IL17RC: variants seen among roughly 807,000 people sequenced by gnomAD.
The protein encoded by IL17RC is interleukin 17 receptor C, also known as interleukin-17 receptor C.
A neutral mutation model predicts 86.7 loss-of-function variants in IL17RC; 53 were observed. The observed-to-expected ratio is 0.61, with a 90% CI of 0.49 to 0.77. IL17RC has a LOEUF of 0.77. IL17RC is among the 30% of genes least tolerant of loss of function. IL17RC has a pLI of 0.00. For missense variants in IL17RC, 957 were observed against 940.0 expected, an observed-to-expected ratio of 1.02 and a Z score of -0.24; for synonymous variants, 439 against 413.1, an observed-to-expected ratio of 1.06 and a Z score of -0.76.
At position 9,933,098 on chromosome 3, in the gene IL17RC, G is replaced by A. The variant is rs780947824; in HGVS notation, c.1668G>A (p.Ala556=). Residue 556 remains alanine (A), a synonymous_variant, in exon 19 of 19, where the codon GCG becomes GCA. Coordinates refer to ENST00000403601, the MANE Select transcript of IL17RC (RefSeq NM_153460.4). ...TGTGGAGCCGTCGTGAACTGAGCGC[G>A]CAGGGGCCCGTGGCTTGGTTTCACG... ...VDLWSRRELS[A]QGPVAWFHAQ... is the part of the protein sequence containing the mutation. 69 of 1,571,606 alleles carry A rather than the reference G, an allele frequency of 4.4e-5. No homozygotes were observed. Among genetic ancestry groups the A allele is most frequent in the Non-Finnish European group, 3.1e-5 (36 of 1,165,150 alleles).
At chr3:9,922,500 T>C (rs910921027) in intron 7 of IL17RC, among the ~76,000 whole-genome samples, 1 of 152,210 alleles carries the variant, frequency 6.6e-6, no homozygotes, top group Non-Finnish European at 1.5e-5. Context: ...TAAGTAGACA[T>C]TGATTCATTT....
At chr3:9,931,462 CACACACACATATATAT>C (rs2084652419) in intron 16 of IL17RC, among the ~76,000 whole-genome samples, 2 of 130,466 alleles carry the variant, frequency 1.5e-5, no homozygotes, top group East Asian at 4.1e-4. Flanking sequence ...TTCACACACA[CACACACACATATATAT>C]ATATATATAT....
Position 9,917,420 on chromosome 3 carries a change from G to A in IL17RC, c.105G>A (p.Pro35=), listed in dbSNP as rs750455361. 157 of 1,614,064 alleles carry A rather than the reference G, an allele frequency of 9.7e-5. 1 individual carries two copies. The highest frequency in any genetic ancestry group is 1.1e-4 in the Non-Finnish European group (129 of 1,180,028). The part of the protein sequence containing the change: ...VGPQDATHCS[P]GLSCRLWDSD... Reference sequence around the variant, plus strand: ...CTCAGGACGCTACCCACTGCTCTCCGGTGAGTCTGGAACCCTGGGGAGACG... The same window carrying A: ...CTCAGGACGCTACCCACTGCTCTCCAGTGAGTCTGGAACCCTGGGGAGACG... Residue 35 remains proline (P), a splice_region_variant and synonymous_variant, in exon 1 of 19, where the codon CCG becomes CCA. Transcript: ENST00000403601.
At chr3:9,929,436 T>G in intron 12 of IL17RC, 1 of 210,370 alleles carries the variant, frequency 4.8e-6, no homozygotes, top group East Asian at 1.2e-4. Context: ...AGAACTTATA[T>G]TGTAATGGAG....
chr3:9,917,672 G>A, intron 1 of IL17RC, 41 bp from the exon 2 acceptor site: 2 of 1,613,894 alleles, frequency 1.2e-6, no homozygotes, highest in East Asian at 2.2e-5. Flanking sequence ...TGCCTAGATG[G>A]TGGGGGCACA....
At chr3:9,919,936 A>G (rs866941111) in intron 5 of IL17RC, among the ~76,000 whole-genome samples, 1 of 152,096 alleles carries the variant, frequency 6.6e-6, no homozygotes, top group Middle Eastern at 3.4e-3. Context: ...TGTAAGTACC[A>G]TGGTGCAGGG....
At chr3:9,931,502 TAC>T (rs2084690676) in intron 16 of IL17RC, among the ~76,000 whole-genome samples, 1 of 145,134 alleles carries the variant, frequency 6.9e-6, no homozygotes, top group Non-Finnish European at 1.5e-5. Flanking sequence ...TATATATATA[TAC>T]TTATTTTTTT....
intron 7 of IL17RC, among the ~76,000 whole-genome samples, chr3:9,923,098 C>A (rs2083719521): frequency 6.6e-6 from 1 of 150,472 alleles, no homozygotes; most frequent in Non-Finnish European, 1.5e-5. Flanking sequence ...ATGGCTTGAA[C>A]CCCAGGAGGC....
At chr3:9,923,479 G>A (rs551493432) in intron 7 of IL17RC, among the ~76,000 whole-genome samples, 38 of 152,000 alleles carry the variant, frequency 2.5e-4, no homozygotes, top group African/African-American at 8.4e-4. Flanking sequence ...CTTGAACCCA[G>A]GAGGTGGAGG....
At position 9,930,334 on chromosome 3, in the gene IL17RC, C is replaced by A; in HGVS notation, c.1279-66C>A. The A allele has an allele frequency of 6.3e-7, 1 of 1,585,506 alleles. No homozygotes were observed. The highest frequency in any genetic ancestry group is 1.1e-5 in the South Asian group (1 of 90,190). ...TCTACCTCATTCTACCCAGCTGTAGCCTGGTAGGTGCTGCCCTAAGGGTGC... is the reference window on the plus strand; with the variant it reads ...TCTACCTCATTCTACCCAGCTGTAGACTGGTAGGTGCTGCCCTAAGGGTGC... On this transcript the variant is annotated intron_variant, in intron 14 of 18. Transcript: ENST00000403601. The surrounding 1 kb of genome is among the most constrained non-coding windows in gnomAD (Gnocchi z 5.8).
intron 16 of IL17RC, 65 bp from the exon 17 acceptor site, chr3:9,932,543 T>G: frequency 7.0e-7 from 1 of 1,427,420 alleles, no homozygotes; most frequent in Non-Finnish European, 9.9e-7. Context: ...TTCATTTCTG[T>G]TAAGTCTCAG....
chr3:9,931,558 G>A (rs570497357), intron 16 of IL17RC, among the ~76,000 whole-genome samples: 1 of 150,734 alleles, frequency 6.6e-6, no homozygotes, highest in South Asian at 2.1e-4. Flanking sequence ...CCAGGCTGGA[G>A]TGCAATGGCG....
Position 9,929,864 on chromosome 3 carries a change from G to A in IL17RC, c.1123G>A (p.Glu375Lys). 6.2e-7 allele frequency: 1 copy of A among 1,614,180 alleles called. No individual in the cohort carries two copies. The highest frequency in any genetic ancestry group is 8.5e-7 in the Non-Finnish European group (1 of 1,180,036). ...CTCTTCCCAGCAGGTGAACAGCTCGGAGAAGCTGCAGCTGCAGGAGTGCTT... is the reference window on the plus strand; with the variant it reads ...CTCTTCCCAGCAGGTGAACAGCTCGAAGAAGCTGCAGCTGCAGGAGTGCTT... ...PNLCVQVNSS[E>K]KLQLQECLWA... is the part of the protein sequence containing the mutation. The change falls in exon 13 of 19, where the codon GAG becomes AAG. Residue 375 changes from glutamate (E) to lysine (K), a missense_variant. Transcript: ENST00000403601.
At chr3:9,927,683 G>A (rs962698425) in intron 9 of IL17RC, among the ~76,000 whole-genome samples, 2 of 152,200 alleles carry the variant, frequency 1.3e-5, no homozygotes, top group African/African-American at 4.8e-5. Context: ...GCTCACGCTT[G>A]TAATCCCAAC....
At chr3:9,932,472 C>T (rs1259797607) in intron 16 of IL17RC, 136 bp from the exon 17 acceptor site, 3 of 805,168 alleles carry the variant, frequency 3.7e-6, no homozygotes, top group African/African-American at 3.4e-5. Context: ...GTGATCTGCC[C>T]GCCTCGGCCT....
In IL17RC at chr3:9,930,005, G is replaced by A; in HGVS notation, c.1157-23G>A. On this transcript the variant is annotated intron_variant, in intron 13 of 18. Transcript: ENST00000403601. The surrounding 1 kb of genome is among the most constrained non-coding windows in gnomAD (Gnocchi z 5.8). Reference sequence around the variant, plus strand: ...TCCCAGCAAGGATGGGTCTTGGTCAGAGTGGCCTCTCACCCCTTCCAGACT... The same window carrying A: ...TCCCAGCAAGGATGGGTCTTGGTCAAAGTGGCCTCTCACCCCTTCCAGACT... 5 of 1,613,894 alleles carry A rather than the reference G, an allele frequency of 3.1e-6. No homozygotes were observed. Among genetic ancestry groups the A allele is most frequent in the Non-Finnish European group, 4.2e-6 (5 of 1,179,856 alleles).
At chr3:9,931,470 C>CACACACACACACATATATATATAT (rs750351615) in intron 16 of IL17RC, among the ~76,000 whole-genome samples, 1 of 43,730 alleles carries the variant, frequency 2.3e-5, no homozygotes, top group Non-Finnish European at 6.4e-5. Flanking sequence ...CACACACACA[C>CACACACACACACATATATATATAT]ATATATATAT....
rs776956738 is a variant in IL17RC at position 9,917,269 on chromosome 3, G to T, written c.-47G>T. Reference sequence around the variant, plus strand: ...CTGGGGTGTCTGCCCCCCTTGGGGGGGGGCAGCACAGGGCCTCAGGCCTGG... The same window carrying T: ...CTGGGGTGTCTGCCCCCCTTGGGGGTGGGCAGCACAGGGCCTCAGGCCTGG... On this transcript the variant is annotated 5_prime_UTR_variant, in exon 1 of 19. Coordinates refer to ENST00000403601, the MANE Select transcript of IL17RC (RefSeq NM_153460.4). The T allele has an allele frequency of 2.0e-6, 3 of 1,501,294 alleles. No homozygotes were observed. The highest frequency in any genetic ancestry group is 1.2e-5 in the South Asian group (1 of 81,046). 93.0% of individuals were successfully genotyped at this position (1,501,294 alleles called of 1,614,324 possible).
intron 5 of IL17RC, chr3:9,919,039 T>C (rs1443223542): frequency 6.5e-6 from 1 of 152,964 alleles, no homozygotes; most frequent in Non-Finnish European, 1.5e-5. Flanking sequence ...AAATTAAATA[T>C]ATTTGAATTT....
Sources: allele counts gnomAD v4.1 joint callset (sites outside exome capture counted in the v4.1 genomes callset), GRCh38; gene constraint gnomAD v4.1.1; non-coding constraint Gnocchi (gnomAD v3.1); transcripts MANE v1.5; gene names NCBI Gene and HGNC (gene_info 2026-07-23, HGNC 2026-07-21).